RBFOX1: variants seen among roughly 807,000 people sequenced by gnomAD.
The protein encoded by RBFOX1 is RNA binding protein fox-1 homolog 1.
Under a neutral mutation model 57.7 loss-of-function variants are expected in RBFOX1, and 8 were observed. The ratio of observed to expected loss-of-function variants is 0.14; its 90% CI spans 0.08 to 0.25. RBFOX1 has a LOEUF of 0.25. Ranked by LOEUF, RBFOX1 falls within the 10% of genes least tolerant of loss-of-function variation. RBFOX1 has a pLI of 1.00. For synonymous variants in RBFOX1, 326 were observed against 222.4 expected (o/e 1.47, Z -4.15); for missense variants, 611 against 548.5 (o/e 1.11, Z -1.14).
chr16:6,354,122 AGGT>A (rs2086872563), intron 2 of RBFOX1, among the ~76,000 whole-genome samples: 1 of 152,018 alleles, frequency 6.6e-6, no homozygotes, highest in Non-Finnish European at 1.5e-5. Context: ...GGGGAGGCTG[AGGT>A]GGGAGGATCG....
In RBFOX1 at chr16:7,608,211, G is replaced by A. The variant is rs62011700; in HGVS notation, c.676+873G>A. The stretch of plus-strand genomic sequence containing the variant: ...GCCACTCCCTTAGTAACCTCTTGAC[G>A]GTAAGTCATACCCCTTGCTTTGTTT... On this transcript the variant is annotated intron_variant, in intron 10 of 15. Transcript: ENST00000550418. Among the ~76,000 whole-genome samples the A allele has an allele frequency of 4.7e-3, 717 of 152,254 alleles. 2 individuals are homozygous for A. Among genetic ancestry groups the A allele is most frequent in the Non-Finnish European group, 8.3e-3 (564 of 68,014 alleles).
intron 2 of RBFOX1, among the ~76,000 whole-genome samples, chr16:5,470,034 C>T (rs780692314): frequency 3.2e-4 from 49 of 152,234 alleles, no homozygotes; most frequent in Non-Finnish European, 5.0e-4. Flanking sequence ...AATTGTTGGG[C>T]CATATGGTAA....
At chr16:5,854,562 C>T (rs775152146) in intron 3 of RBFOX1, among the ~76,000 whole-genome samples, 35 of 143,688 alleles carry the variant, frequency 2.4e-4, no homozygotes, top group South Asian at 2.1e-3. Flanking sequence ...ATCTTACCCC[C>T]CCCACACACA....
At chr16:6,765,958 G>C (rs1275972240) in intron 3 of RBFOX1, among the ~76,000 whole-genome samples, 1 of 152,086 alleles carries the variant, frequency 6.6e-6, no homozygotes, top group Non-Finnish European at 1.5e-5. Context: ...CAGTATGATG[G>C]ACATTGGAGA....
At chr16:6,867,259 C>A (rs73538578) in intron 3 of RBFOX1, among the ~76,000 whole-genome samples, 3,806 of 151,006 alleles carry the variant, frequency 0.025, 152 homozygotes, top group African/African-American at 0.086. Context: ...CCTTTTTTTT[C>A]CTTTCTGATG....
At chr16:7,607,197 T>C (rs2095314478) in intron 9 of RBFOX1, 88 bp from the exon 10 acceptor site, 1 of 1,252,444 alleles carries the variant, frequency 8.0e-7, no homozygotes, top group Non-Finnish European at 1.1e-6. Flanking sequence ...AATGAGATAC[T>C]TTAACCCATT....
chr16:5,820,834 A>G (rs753645375), intron 3 of RBFOX1, among the ~76,000 whole-genome samples: 1 of 152,060 alleles, frequency 6.6e-6, no homozygotes, highest in Non-Finnish European at 1.5e-5. Flanking sequence ...TTTGACAGCA[A>G]TTTCTTAGAG....
intron 2 of RBFOX1, among the ~76,000 whole-genome samples, chr16:6,584,445 C>G (rs897947696): frequency 6.6e-6 from 1 of 151,282 alleles, no homozygotes; most frequent in Admixed American, 6.6e-5. Context: ...TTAGCACACT[C>G]CAACCTCTGC....
chr16:6,849,073 T>G (rs1398860467), intron 3 of RBFOX1, among the ~76,000 whole-genome samples: 1 of 152,190 alleles, frequency 6.6e-6, no homozygotes, highest in East Asian at 1.9e-4. Flanking sequence ...AGTAAACAGC[T>G]GTCCTCAAGA....
intron 3 of RBFOX1, among the ~76,000 whole-genome samples, chr16:6,656,453 A>T (rs1452195349): frequency 6.6e-6 from 1 of 152,106 alleles, no homozygotes; most frequent in East Asian, 1.9e-4. Flanking sequence ...CACTCCACCT[A>T]TGTGAACTGC....
At chr16:6,845,206 C>G (rs1009204921) in intron 3 of RBFOX1, among the ~76,000 whole-genome samples, 2 of 151,750 alleles carry the variant, frequency 1.3e-5, no homozygotes, top group African/African-American at 4.8e-5. Flanking sequence ...TCAATTTTCG[C>G]TTTTGCAGCA....
At chr16:5,471,307 G>A (rs189807471) in intron 2 of RBFOX1, among the ~76,000 whole-genome samples, 86 of 152,288 alleles carry the variant, frequency 5.6e-4, no homozygotes, top group African/African-American at 2.0e-3. Context: ...CCAGCGTATT[G>A]AAAAACAGGT....
intron 2 of RBFOX1, among the ~76,000 whole-genome samples, chr16:6,567,259 A>G (rs1187690719): frequency 6.6e-6 from 1 of 152,180 alleles, no homozygotes; most frequent in Non-Finnish European, 1.5e-5. Context: ...CAGATACGGT[A>G]TCTTATTTCA....
chr16:6,357,134 T>G (rs1473400294), intron 2 of RBFOX1, among the ~76,000 whole-genome samples: 1 of 152,064 alleles, frequency 6.6e-6, no homozygotes, highest in Non-Finnish European at 1.5e-5. Flanking sequence ...GGATTTTATT[T>G]TAGTTTGCTT....
chr16:6,760,825 C>G (rs974843084), intron 3 of RBFOX1, among the ~76,000 whole-genome samples: 2 of 152,124 alleles, frequency 1.3e-5, no homozygotes, highest in Admixed American at 1.3e-4. Context: ...GAACCAACAC[C>G]AACAGTGTGT....
At chr16:7,342,180 T>G (rs534728593) in intron 4 of RBFOX1, among the ~76,000 whole-genome samples, 92 of 152,290 alleles carry the variant, frequency 6.0e-4, no homozygotes, top group Middle Eastern at 3.4e-3. Context: ...CTTGGTAAGT[T>G]GCTTGACCTC....
intron 4 of RBFOX1, among the ~76,000 whole-genome samples, chr16:7,213,424 C>A (rs2091502813): frequency 6.6e-6 from 1 of 152,130 alleles, no homozygotes; most frequent in Admixed American, 6.5e-5. Context: ...GAACCATTGC[C>A]TGACATTAAA....
At chr16:7,139,176 C>CTCTCTCTCTGTGTGTGTG (rs372381673) in intron 4 of RBFOX1, among the ~76,000 whole-genome samples, 201 of 145,908 alleles carry the variant, frequency 1.4e-3, no homozygotes, top group South Asian at 6.5e-3. Context: ...CAATCTCTCT[C>CTCTCTCTCTGTGTGTGTG]TGTGTGTGTG....
intron 2 of RBFOX1, among the ~76,000 whole-genome samples, chr16:6,608,650 C>G (rs1377804365): frequency 5.3e-5 from 8 of 152,290 alleles, no homozygotes; most frequent in Non-Finnish European, 2.9e-5. Flanking sequence ...CATGGCGGCA[C>G]ATGCCTGTGG....
Sources: gnomAD v4.1 joint callset for allele counts (sites outside exome capture counted in the v4.1 genomes callset) on GRCh38, gnomAD v4.1.1 for gene constraint, MANE v1.5 for transcripts, NCBI Gene and HGNC (gene_info 2026-07-23, HGNC 2026-07-21) for gene names.